The following FRMPD4 variants were observed in gnomAD, a reference collection of about 807,000 sequenced individuals.
FRMPD4 encodes FERM and PDZ domain-containing protein 4.
FRMPD4 carries 22 observed loss-of-function variants against 94.1 expected under a neutral mutation model. The ratio of observed to expected loss-of-function variants is 0.23; its 90% CI spans 0.17 to 0.33. The LOEUF is 0.33. Ranked by LOEUF, FRMPD4 falls within the 10% of genes least tolerant of loss-of-function variation. The probability of loss-of-function intolerance (pLI) is 1.00; values close to 1 mark genes in which losing one functional copy is unlikely to be tolerated. For synonymous variants in FRMPD4, 631 were observed against 548.6 expected, an observed-to-expected ratio of 1.15 and a Z score of -2.10; for missense variants, 1,111 against 1,339.9, an observed-to-expected ratio of 0.83 and a Z score of 2.67.
chrX:12,236,907 T>C (rs991689076), intron 1 of FRMPD4, among the ~76,000 whole-genome samples: 22 of 111,770 alleles, frequency 2.0e-4, no homozygotes, highest in African/African-American at 6.8e-4. Flanking sequence ...GGAGATACTT[T>C]TGGATTGTCA....
chrX:11,963,035 T>G (rs1215099503), intron 3 of FRMPD4, among the ~76,000 whole-genome samples: 1 of 112,463 alleles, frequency 8.9e-6, no homozygotes, highest in Non-Finnish European at 1.9e-5. Context: ...CTATTGCTCT[T>G]TCTTGCAATA....
chrX:12,481,526 A>G (rs2057680177), intron 1 of FRMPD4, among the ~76,000 whole-genome samples: 1 of 111,320 alleles, frequency 9.0e-6, no homozygotes, highest in Non-Finnish European at 1.9e-5. Flanking sequence ...CTCAACTATG[A>G]ACGGCCTACT....
At chrX:12,234,329 TAAA>T (rs1450378401) in intron 1 of FRMPD4, among the ~76,000 whole-genome samples, 2 of 111,891 alleles carry the variant, frequency 1.8e-5, no homozygotes, top group Non-Finnish European at 3.8e-5. Flanking sequence ...GTGAGAGTGA[TAAA>T]GAAGGGAGTG....
intron 3 of FRMPD4, among the ~76,000 whole-genome samples, chrX:11,881,287 A>G (rs969891547): frequency 3.6e-5 from 4 of 112,076 alleles, no homozygotes; most frequent in Non-Finnish European, 7.5e-5. Context: ...TGCTCATATA[A>G]TCCCACCCCG....
At chrX:12,660,267 A>G (rs1465031499) in intron 4 of FRMPD4, among the ~76,000 whole-genome samples, 2 of 112,109 alleles carry the variant, frequency 1.8e-5, no homozygotes, top group African/African-American at 3.2e-5. Context: ...CAATTCAAAT[A>G]TTTACTTGAC....
At chrX:12,378,238 T>A (rs753512645) in intron 1 of FRMPD4, among the ~76,000 whole-genome samples, 1 of 112,239 alleles carries the variant, frequency 8.9e-6, no homozygotes, top group East Asian at 2.8e-4. Context: ...AGGAAATTGG[T>A]ATTGTATTTT....
At chrX:12,164,434 A>T (rs1490422312) in intron 1 of FRMPD4, among the ~76,000 whole-genome samples, 3 of 111,965 alleles carry the variant, frequency 2.7e-5, no homozygotes, top group Admixed American at 9.4e-5. Flanking sequence ...CATTTTCTTA[A>T]TCCAGTCTAT....
At chrX:11,933,905 A>G (rs1410972350) in intron 3 of FRMPD4, among the ~76,000 whole-genome samples, 1 of 112,130 alleles carries the variant, frequency 8.9e-6, no homozygotes, top group Non-Finnish European at 1.9e-5. Flanking sequence ...CCTCTGTGCT[A>G]ATTTTCTTTT....
At chrX:12,234,361 T>C (rs758609655) in intron 1 of FRMPD4, among the ~76,000 whole-genome samples, 1 of 112,007 alleles carries the variant, frequency 8.9e-6, no homozygotes, top group African/African-American at 3.2e-5. Context: ...GTGCTAAGGA[T>C]AGATTGTTTT....
chrX:12,710,100 T>C (rs4994372), intron 13 of FRMPD4, among the ~76,000 whole-genome samples: 57,754 of 109,922 alleles, frequency 0.53, 11,974 homozygotes, highest in East Asian at 0.81. Context: ...TGCACTCCAG[T>C]CTCGGCGACA....
rs142541611 is a variant in FRMPD4 at position 12,479,493 on chromosome X, T to C, written c.42-19187T>C. Among the ~76,000 whole-genome samples, 141 of 101,689 alleles carry C rather than the reference T, an allele frequency of 1.4e-3. 3 individuals are homozygous for C. The East Asian group carries it at 0.04, about 29-fold the overall frequency. 88.3% of individuals were successfully genotyped at this position (101,689 alleles called of 115,157 possible). ...ATATATGTATATACATATATATACG[T>C]ATATATTATATATATATATATATTT... is the stretch of plus-strand genomic sequence containing the variant. On this transcript the variant is annotated intron_variant, in intron 1 of 16. Transcript: ENST00000675598.
intron 3 of FRMPD4, among the ~76,000 whole-genome samples, chrX:11,961,254 C>A: frequency 8.9e-6 from 1 of 112,169 alleles, no homozygotes; most frequent in Non-Finnish European, 1.9e-5. Flanking sequence ...TCTGGAGCTT[C>A]TCCTCCTCTC....
chrX:12,428,363 T>A (rs2056975045), intron 1 of FRMPD4, among the ~76,000 whole-genome samples: 1 of 111,818 alleles, frequency 8.9e-6, no homozygotes, highest in South Asian at 3.8e-4. Context: ...AAAGTCTATA[T>A]AAAACCCTAA....
At chrX:12,113,860 T>C (rs190690713) in intron 3 of FRMPD4, among the ~76,000 whole-genome samples, 73 of 111,851 alleles carry the variant, frequency 6.5e-4, no homozygotes, top group African/African-American at 2.3e-3. Context: ...AAACACTGTA[T>C]TAAATACAAT....
intron 1 of FRMPD4, among the ~76,000 whole-genome samples, chrX:12,218,171 T>C (rs1272416743): frequency 8.9e-6 from 1 of 112,241 alleles, no homozygotes; most frequent in Non-Finnish European, 1.9e-5. Context: ...GACAAGAATT[T>C]ATGAATCTAT....
At chrX:12,705,777 T>C (rs933546135) in intron 11 of FRMPD4, among the ~76,000 whole-genome samples, 2 of 112,111 alleles carry the variant, frequency 1.8e-5, no homozygotes, top group Non-Finnish European at 3.8e-5. Context: ...TGCTATAAGA[T>C]CAATCAACCT....
intron 2 of FRMPD4, among the ~76,000 whole-genome samples, chrX:12,522,594 C>CTTTTTTTTTTGTT (rs2058174776): frequency 1.3e-5 from 1 of 74,548 alleles, no homozygotes; most frequent in Non-Finnish European, 2.4e-5. Context: ...TTTTCTTTTC[C>CTTTTTTTTTTGTT]TTTTTTTTTT....
chrX:12,352,623 T>G (rs1268519809), intron 1 of FRMPD4, among the ~76,000 whole-genome samples: 1 of 112,265 alleles, frequency 8.9e-6, no homozygotes, highest in Non-Finnish European at 1.9e-5. Context: ...GGTCTACTAT[T>G]GTGGTTTTCA....
chrX:12,718,221 G>A lies in FRMPD4; in HGVS notation c.3395G>A (p.Gly1132Glu). 8.3e-7 allele frequency: 1 copy of A among 1,211,095 alleles called. No individual in the cohort carries two copies. Among genetic ancestry groups the A allele is most frequent in the Non-Finnish European group, 1.1e-6 (1 of 894,776 alleles). Residue 1132 changes from glycine to glutamate, a missense_variant, in exon 16 of 17, where the codon GGA becomes GAA. By Grantham distance (98) the Gly-to-Glu change is moderately conservative. Around this residue, in one of 8 missense-constraint regions of FRMPD4, gnomAD observed 551 missense variants for 591.6 expected, o/e 0.93. Coordinates refer to ENST00000675598, the MANE Select transcript of FRMPD4 (RefSeq NM_001368397.1). ...AGGGAGGCCGAAGGGAAGGAAGAAG[G>A]AGCTCCTGATGGAGAAACCAGTGAT... ...GAREAEGKEE[G>E]APDGETSDGS...
Sources: allele counts gnomAD v4.1 joint callset (sites outside exome capture counted in the v4.1 genomes callset), GRCh38; gene constraint gnomAD v4.1.1; regional missense constraint gnomAD v4.1.1; transcripts MANE v1.5; gene names NCBI Gene and HGNC (gene_info 2026-07-23, HGNC 2026-07-21).